Variants in EYS observed in about 807,000 individuals in gnomAD.
EYS encodes protein eyes shut homolog.
Under a neutral mutation model 282.1 loss-of-function variants are expected in EYS, and 250 were observed. The ratio of observed to expected loss-of-function variants is 0.89; its 90% CI spans 0.80 to 0.98. The LOEUF is 0.98. Ranked by LOEUF, EYS falls within the 50% of genes least tolerant of loss-of-function variation. The pLI, the probability that EYS is intolerant of heterozygous loss-of-function variation, is 0.00. For synonymous variants in EYS, 1,355 were observed against 1,282.9 expected (o/e 1.06, Z -1.20); for missense variants, 4,016 against 3,709.0 (o/e 1.08, Z -2.15).
chr6:65,549,913 G>A (rs1421298266), intron 2 of EYS, among the ~76,000 whole-genome samples: 1 of 152,160 alleles, frequency 6.6e-6, no homozygotes, highest in African/African-American at 2.4e-5. Flanking sequence ...CCATACAGAT[G>A]TCCTGGTCTG....
At chr6:65,629,139 G>A (rs1332631501) in intron 2 of EYS, among the ~76,000 whole-genome samples, 1 of 152,138 alleles carries the variant, frequency 6.6e-6, no homozygotes, top group Non-Finnish European at 1.5e-5. Flanking sequence ...TCAACAAATA[G>A]TGCAAGGAAA....
chr6:64,466,447 C>T (rs1775920944), intron 26 of EYS, among the ~76,000 whole-genome samples: 1 of 151,972 alleles, frequency 6.6e-6, no homozygotes, highest in Non-Finnish European at 1.5e-5. Flanking sequence ...CTGTCATTTG[C>T]AAGACAAAAG....
intron 6 of EYS, among the ~76,000 whole-genome samples, chr6:65,403,757 A>G (rs1337078510): frequency 1.3e-5 from 2 of 152,050 alleles, no homozygotes; most frequent in Non-Finnish European, 2.9e-5. Flanking sequence ...AAGTACTTCT[A>G]TGAATTAATA....
chr6:63,858,910 G>T (rs499247), intron 36 of EYS, among the ~76,000 whole-genome samples: 150,842 of 152,128 alleles, frequency 0.99, 74,801 homozygotes, highest in East Asian at 1. Flanking sequence ...CTTTATAGAG[G>T]TATCATGTCC....
chr6:64,205,832 C>CACAT (rs1554218578), intron 31 of EYS, among the ~76,000 whole-genome samples: 13 of 150,382 alleles, frequency 8.6e-5, no homozygotes, highest in African/African-American at 3.2e-4. Flanking sequence ...CACACACACA[C>CACAT]ACACACACAC....
intron 31 of EYS, among the ~76,000 whole-genome samples, chr6:64,119,471 T>C (rs930052807): frequency 6.6e-6 from 1 of 152,178 alleles, no homozygotes; most frequent in African/African-American, 2.4e-5. Context: ...AAGATATTAA[T>C]AGAAGGATAT....
chr6:64,244,764 G>T (rs972267463), intron 30 of EYS, among the ~76,000 whole-genome samples: 1 of 151,748 alleles, frequency 6.6e-6, no homozygotes, highest in Admixed American at 6.6e-5. Context: ...TTAGTATGTC[G>T]ATTTCAAAAA....
At chr6:65,076,832 TG>T (rs1279303510) in intron 12 of EYS, among the ~76,000 whole-genome samples, 1 of 151,980 alleles carries the variant, frequency 6.6e-6, no homozygotes, top group African/African-American at 2.4e-5. Flanking sequence ...TGATTAAATA[TG>T]AATAGCATGT....
At chr6:64,605,838 G>A (rs2149840825) in intron 24 of EYS, among the ~76,000 whole-genome samples, 2 of 152,016 alleles carry the variant, frequency 1.3e-5, no homozygotes. Context: ...ACTGATTTTT[G>A]AGAACTGGCA....
chr6:64,389,526 C>G (rs1278056554), intron 28 of EYS, among the ~76,000 whole-genome samples: 1 of 152,188 alleles, frequency 6.6e-6, no homozygotes, highest in Non-Finnish European at 1.5e-5. Flanking sequence ...TGCCTGTCAT[C>G]TCTAAGTAAA....
intron 33 of EYS, among the ~76,000 whole-genome samples, chr6:64,000,641 G>C (rs1768052350): frequency 6.6e-6 from 1 of 151,944 alleles, no homozygotes; most frequent in African/African-American, 2.4e-5. Flanking sequence ...TAACTTTGTT[G>C]ACTTAGTTGA....
chr6:63,812,554 C>T (rs1271147857), intron 36 of EYS, among the ~76,000 whole-genome samples: 4 of 152,142 alleles, frequency 2.6e-5, no homozygotes, highest in African/African-American at 9.7e-5. Context: ...GCAGATTCCA[C>T]TAGGGCAGAG....
At position 64,269,072 on chromosome 6, in the gene EYS, T is replaced by A. The variant is rs1269593934; in HGVS notation, c.6191+37898A>T. 6.6e-5 allele frequency among the ~76,000 whole-genome samples: 10 copies of A among 152,294 alleles called. No individual in the cohort carries two copies. In the East Asian group the frequency reaches 1.9e-3, roughly 29 times the overall value. On this transcript the variant is annotated intron_variant, in intron 30 of 42. Transcript: ENST00000503581. ...TCTATTAGAGAATCAGTAATTTTTCTCAGTGCTTTCAAAGAGAGCAAAAGG... is the reference window on the plus strand; with the variant it reads ...TCTATTAGAGAATCAGTAATTTTTCACAGTGCTTTCAAAGAGAGCAAAAGG...
chr6:64,750,996 T>A (rs553757371), intron 22 of EYS, among the ~76,000 whole-genome samples: 14 of 152,030 alleles, frequency 9.2e-5, no homozygotes, highest in Non-Finnish European at 1.9e-4. Context: ...GAGCACCTAT[T>A]CTTCTAGATT....
At chr6:64,102,525 C>G (rs1307701548) in intron 31 of EYS, among the ~76,000 whole-genome samples, 2 of 152,052 alleles carry the variant, frequency 1.3e-5, no homozygotes, top group Non-Finnish European at 2.9e-5. Flanking sequence ...ATATCAAATA[C>G]TCTAGTCCAT....
At chr6:65,501,513 T>C (rs1766450643) in intron 2 of EYS, among the ~76,000 whole-genome samples, 1 of 151,856 alleles carries the variant, frequency 6.6e-6, no homozygotes, top group African/African-American at 2.4e-5. Flanking sequence ...TGGTCTATAG[T>C]ATATGGATTA....
intron 29 of EYS, among the ~76,000 whole-genome samples, chr6:64,311,312 A>G (rs1486683977): frequency 6.6e-6 from 1 of 152,180 alleles, no homozygotes; most frequent in Non-Finnish European, 1.5e-5. Context: ...TTTGTAATGT[A>G]AAATATATAT....
rs143377353 is a variant in EYS, at chr6:64,936,978, G to A, written c.2381+8815C>T. Among the ~76,000 whole-genome samples, 519 of 151,600 alleles carry A rather than the reference G, an allele frequency of 3.4e-3. 3 individuals carry two copies. The highest frequency in any genetic ancestry group is 0.012 in the African/African-American group (507 of 41,536). ...TATTAGAATAAAGATAAATAGAATA[G>A]AGGGTCTAGAAATCCTTACAAGTTT... is the stretch of plus-strand genomic sequence containing the variant. On this transcript the variant is annotated intron_variant, in intron 15 of 42. Transcript: ENST00000503581.
At chr6:64,456,078 T>C (rs1396780291) in intron 26 of EYS, among the ~76,000 whole-genome samples, 1 of 152,144 alleles carries the variant, frequency 6.6e-6, no homozygotes, top group African/African-American at 2.4e-5. Context: ...TTGTTCATGA[T>C]ACCTTTTCTG....
Sources: gnomAD v4.1 joint callset for allele counts (sites outside exome capture counted in the v4.1 genomes callset) on GRCh38, gnomAD v4.1.1 for gene constraint, MANE v1.5 for transcripts, NCBI Gene and HGNC (gene_info 2026-07-23, HGNC 2026-07-21) for gene names.